MED15: variants seen among roughly 807,000 people sequenced by gnomAD.
The protein encoded by MED15 is mediator complex subunit 15, also known as mediator of RNA polymerase II transcription subunit 15.
A neutral mutation model predicts 118.7 loss-of-function variants in MED15; 41 were observed. That is an observed-to-expected ratio of 0.35 (90% CI 0.27 to 0.45). MED15 has a LOEUF of 0.45. Ranked by LOEUF, MED15 falls within the 20% of genes least tolerant of loss-of-function variation. The pLI, the probability that MED15 is intolerant of heterozygous loss-of-function variation, is 1.00. For synonymous variants in MED15, 436 were observed against 413.9 expected, an observed-to-expected ratio of 1.05 and a Z score of -0.65; for missense variants, 740 against 1,025.5, an observed-to-expected ratio of 0.72 and a Z score of 3.80.
chr22:20,545,473 CA>C (rs56307139), intron 2 of MED15, among the ~76,000 whole-genome samples: 54,538 of 89,712 alleles, frequency 0.61, 13,091 homozygotes, highest in Middle Eastern at 0.73. Flanking sequence ...GACTCCACCT[CA>C]AAAAAAAAAA....
chr22:20,564,598 C>T lies in MED15; in HGVS notation c.600C>T (p.Phe200=). 1 of 1,610,682 alleles carries T rather than the reference C, an allele frequency of 6.2e-7. No homozygotes were observed. The highest frequency in any genetic ancestry group is 8.5e-7 in the Non-Finnish European group (1 of 1,178,114). Residue 200 remains phenylalanine, a synonymous_variant, in exon 6 of 18, where the codon TTC becomes TTT. Coordinates refer to ENST00000263205, the MANE Select transcript of MED15 (RefSeq NM_001003891.3). The part of the protein sequence containing the change: ...QAQQSAMQQQ[F]QAVVQQQQQL... ...AGCAGAGTGCCATGCAGCAGCAGTT[C>T]CAAGCAGTAGTGCAGCAGCAGCAGC...
At position 20,568,584 on chromosome 22, in the gene MED15, G is replaced by A. The variant is rs2056527861; in HGVS notation, c.1105G>A (p.Ala369Thr). ...GCCCCAGGTGCAGCAGCAGCAGACA[G>A]CAGTACAGACAGCTCAGGCTGCCCA... is the stretch of plus-strand genomic sequence containing the variant. Reference protein sequence around the residue: ...VQPQVQQQQTAVQTAQAAQMV... With the variant: ...VQPQVQQQQTTVQTAQAAQMV... Residue 369 changes from alanine (A) to threonine (T), a missense_variant, in exon 8 of 18, where the codon GCA becomes ACA. Coordinates refer to ENST00000263205, the MANE Select transcript of MED15 (RefSeq NM_001003891.3). 1.2e-6 allele frequency: 2 copies of A among 1,613,914 alleles called. No individual in the cohort carries two copies. The highest frequency in any genetic ancestry group is 1.7e-6 in the Non-Finnish European group (2 of 1,180,026).
chr22:20,574,614 G>A (rs1286610182), intron 8 of MED15: 2 of 153,752 alleles, frequency 1.3e-5, no homozygotes, highest in African/African-American at 2.4e-5. Context: ...GCTGTAAGAG[G>A]TGTGCCACTG....
intron 2 of MED15, among the ~76,000 whole-genome samples, chr22:20,550,805 A>G (rs1306184671): frequency 6.6e-6 from 1 of 152,268 alleles, no homozygotes; most frequent in Non-Finnish European, 1.5e-5. Context: ...ACAATCTCAG[A>G]AACACAGCAG....
Position 20,583,729 on chromosome 22 carries a change from T to C in MED15, c.1736+336T>C, listed in dbSNP as rs556236871. 3.6e-4 allele frequency: 112 copies of C among 315,020 alleles called. 1 individual carries two copies. The highest frequency in any genetic ancestry group is 2.1e-3 in the Middle Eastern group (2 of 972). 19.5% of individuals were successfully genotyped at this position (315,020 alleles called of 1,614,324 possible). On this transcript the variant is annotated intron_variant, in intron 13 of 17. Transcript: ENST00000263205. ...TGGGCCTGAGCCTGACCTGGAGTTC[T>C]GCCCCTGACTTGCTGGTGACCATGG...
intron 9 of MED15, among the ~76,000 whole-genome samples, chr22:20,579,632 T>C (rs2056920440): frequency 6.6e-6 from 1 of 152,150 alleles, no homozygotes; most frequent in Admixed American, 6.5e-5. Context: ...CCACCTCCTC[T>C]CTGGCCCACT....
At chr22:20,519,751 G>A (rs766399986) in intron 1 of MED15, among the ~76,000 whole-genome samples, 2 of 152,122 alleles carry the variant, frequency 1.3e-5, no homozygotes, top group Admixed American at 6.5e-5. Flanking sequence ...CATTGCATCC[G>A]GCCTGAGGTT....
chr22:20,510,757 C>T (rs1350892418), intron 1 of MED15, among the ~76,000 whole-genome samples: 2 of 152,194 alleles, frequency 1.3e-5, no homozygotes, highest in Non-Finnish European at 2.9e-5. Context: ...AAATATCCTG[C>T]TTTTCAGGGC....
chr22:20,569,806 T>G (rs2056578616), intron 8 of MED15, among the ~76,000 whole-genome samples: 2 of 152,032 alleles, frequency 1.3e-5, no homozygotes, highest in African/African-American at 4.8e-5. Context: ...GGCTGACCAC[T>G]TCGTGTGATG....
chr22:20,543,168 T>C (rs1468160183), intron 2 of MED15, among the ~76,000 whole-genome samples: 1 of 150,746 alleles, frequency 6.6e-6, no homozygotes, highest in Non-Finnish European at 1.5e-5. Flanking sequence ...TAAAATTCTT[T>C]TTATTGTACC....
intron 1 of MED15, among the ~76,000 whole-genome samples, chr22:20,510,117 T>C (rs2054011119): frequency 6.6e-6 from 1 of 152,194 alleles, no homozygotes; most frequent in South Asian, 2.1e-4. Context: ...CCAGGTGTGG[T>C]GGCTCACGCC....
At chr22:20,585,479 C>T (rs1213160970) in intron 16 of MED15, 4 of 738,782 alleles carry the variant, frequency 5.4e-6, no homozygotes, top group East Asian at 2.7e-5. Context: ...CTCTCACCTC[C>T]CCAACACAGA....
chr22:20,534,449 A>G (rs1341529753), intron 1 of MED15, among the ~76,000 whole-genome samples: 1 of 152,160 alleles, frequency 6.6e-6, no homozygotes, highest in Non-Finnish European at 1.5e-5. Flanking sequence ...ACTTGAGCCC[A>G]GGAGTTTGAA....
At chr22:20,545,552 A>G (rs1236415456) in intron 2 of MED15, among the ~76,000 whole-genome samples, 1 of 152,152 alleles carries the variant, frequency 6.6e-6, no homozygotes, top group Admixed American at 6.5e-5. Flanking sequence ...ATGTAGTACC[A>G]AAAACCATTG....
intron 2 of MED15, among the ~76,000 whole-genome samples, chr22:20,548,688 C>A (rs564641988): frequency 1.3e-5 from 2 of 152,270 alleles, no homozygotes; most frequent in Admixed American, 1.3e-4. Context: ...GTATGTCATG[C>A]AGTGTATGTG....
Position 20,584,359 on chromosome 22 carries a change from G to C in MED15, c.1737G>C (p.Arg579=), listed in dbSNP as rs748195986. Reference sequence around the variant, plus strand: ...CAGCCCAAGTCCTCTCTCTCTGCAGGTGTCCCCTGAAGACCTTGCAAAAGT... The same window carrying C: ...CAGCCCAAGTCCTCTCTCTCTGCAGCTGTCCCCTGAAGACCTTGCAAAAGT... ...LLDILTDPSK[R]CPLKTLQKCE... The change falls in exon 14 of 18, where the codon CGG becomes CGC. Residue 579 remains arginine (R), a splice_region_variant and synonymous_variant. Transcript: ENST00000263205. 1 of 1,613,696 alleles carries C rather than the reference G, an allele frequency of 6.2e-7. No homozygotes were observed. The highest frequency in any genetic ancestry group is 8.5e-7 in the Non-Finnish European group (1 of 1,179,772).
rs769499620 is a variant in MED15 at position 20,586,648 on chromosome 22, G to A, written c.2311G>A (p.Ala771Thr). 1.9e-5 allele frequency: 30 copies of A among 1,612,816 alleles called. No individual in the cohort carries two copies. Among genetic ancestry groups the A allele is most frequent in the Admixed American group, 1.2e-4 (7 of 60,006 alleles). The change falls in exon 18 of 18, where the codon GCC (alanine) becomes ACC (threonine). Residue 771 changes from alanine (A) to threonine (T), a missense_variant. Ala to Thr is a moderately conservative substitution (Grantham distance 58). Around this residue, in one of 7 missense-constraint regions of MED15, gnomAD observed 179 missense variants for 259.0 expected, o/e 0.69. Coordinates refer to ENST00000263205, the MANE Select transcript of MED15 (RefSeq NM_001003891.3). ...GCTCCCGGACAAGCACTCGGTCACCGCCTTGCTCAACACCTGGGCCCAGAG... is the reference window on the plus strand; with the variant it reads ...GCTCCCGGACAAGCACTCGGTCACCACCTTGCTCAACACCTGGGCCCAGAG... Reference protein sequence around the residue: ...LQLPDKHSVTALLNTWAQSVH... With the variant: ...LQLPDKHSVTTLLNTWAQSVH...
At chr22:20,586,498 C>T (rs2057139328) in intron 17 of MED15, 70 bp from the exon 18 acceptor site, 8 of 1,576,700 alleles carry the variant, frequency 5.1e-6, no homozygotes, top group Non-Finnish European at 6.9e-6. Context: ...CTTCCCAGAG[C>T]ACTGCCGGGT....
chr22:20,576,759 A>G (rs1251822758), intron 9 of MED15, among the ~76,000 whole-genome samples: 1 of 152,208 alleles, frequency 6.6e-6, no homozygotes, highest in African/African-American at 2.4e-5. Flanking sequence ...GCCAGGGTGC[A>G]GTTCCCCATG....
Sources: gnomAD v4.1 joint callset for allele counts (sites outside exome capture counted in the v4.1 genomes callset) on GRCh38, gnomAD v4.1.1 for gene constraint, gnomAD v4.1.1 regional missense constraint, MANE v1.5 for transcripts, NCBI Gene and HGNC (gene_info 2026-07-23, HGNC 2026-07-21) for gene names.